SYNE1: variants seen among roughly 807,000 people sequenced by gnomAD.
SYNE1 encodes the protein spectrin repeat containing nuclear envelope protein 1, also known as nesprin-1.
SYNE1 carries 616 observed loss-of-function variants against 1,111.0 expected under a neutral mutation model. The observed-to-expected ratio is 0.55, with a 90% CI of 0.52 to 0.59. The LOEUF (loss-of-function observed/expected upper bound fraction) is 0.59, where lower values mean the gene tolerates loss of function less well. Ranked by LOEUF, SYNE1 falls within the 20% of genes least tolerant of loss-of-function variation. The pLI is 0.00. For synonymous variants in SYNE1, 3,855 were observed against 3,825.8 expected (o/e 1.01, Z -0.28); for missense variants, 10,006 against 10,417.0 (o/e 0.96, Z 1.72).
intron 3 of SYNE1, among the ~76,000 whole-genome samples, chr6:152,581,911 T>C (rs186039216): frequency 6.6e-6 from 1 of 152,284 alleles, no homozygotes; most frequent in African/African-American, 2.4e-5. Context: ...GATTAATTTT[T>C]CAGAGCTTGA....
chr6:152,363,534 TAAATAAATATAA>T (rs2096987236), intron 63 of SYNE1, among the ~76,000 whole-genome samples: 1 of 146,072 alleles, frequency 6.8e-6, no homozygotes, highest in Non-Finnish European at 1.5e-5. Context: ...AATAAATAAA[TAAATAAATATAA>T]AAATAAATAA....
chr6:152,407,185 T>C lies in SYNE1; in HGVS notation c.6552A>G (p.Lys2184=). ...TVDKWLDVSE[K]LEENMDRLRV... ...TCAGCCTATCCATGTTTTCTTCAAG[T>C]TTCTCTGATACCTAGGAGAGAAACA... The change falls in exon 45 of 146, where the codon AAA becomes AAG. Residue 2184 remains lysine, a synonymous_variant. Coordinates refer to ENST00000367255, the MANE Select transcript of SYNE1 (RefSeq NM_182961.4). 6.2e-7 allele frequency: 1 copy of C among 1,613,952 alleles called. No homozygotes were observed. Among genetic ancestry groups the C allele is most frequent in the Non-Finnish European group, 8.5e-7 (1 of 1,179,948 alleles).
intron 72 of SYNE1, among the ~76,000 whole-genome samples, chr6:152,349,566 G>C (rs1227545781): frequency 1.3e-5 from 2 of 152,178 alleles, no homozygotes; most frequent in African/African-American, 4.8e-5. Flanking sequence ...ATTATTAGCT[G>C]GGGGAAATGC....
chr6:152,367,203 T>G lies in SYNE1; in HGVS notation c.9972+15A>C. On this transcript the variant is annotated intron_variant, in intron 62 of 145. Transcript: ENST00000367255. ...ATTCTGTAGGTTGGAGATATTTCTGTGTAAAGATGCACACCTCGAGCTTGA... is the reference window on the plus strand; with the variant it reads ...ATTCTGTAGGTTGGAGATATTTCTGGGTAAAGATGCACACCTCGAGCTTGA... 6.2e-7 allele frequency: 1 copy of G among 1,614,198 alleles called. No homozygotes were observed. Among genetic ancestry groups the G allele is most frequent in the African/African-American group, 1.3e-5 (1 of 75,058 alleles).
chr6:152,364,866 C>A lies in SYNE1; in HGVS notation c.10126G>T (p.Ala3376Ser). The part of the protein sequence containing the change: ...VKDMWASLLS[A>S]GIRCKSQLEG... ...CCTCACCTTTTACAACGAATCCCTG[C>A]AGACAAAAGGGATGCCCACATATCC... The change falls in exon 63 of 146, where the codon GCA becomes TCA. Residue 3376 changes from alanine (A) to serine (S), a missense_variant. By Grantham distance (99) the Ala-to-Ser change is moderately conservative (BLOSUM62 1). This residue lies in a region of SYNE1 where 4,955 missense variants were observed against 5,017.2 expected (regional missense o/e 0.99). Transcript: ENST00000367255. The A allele has an allele frequency of 1.2e-6, 2 of 1,614,216 alleles. No individual in the cohort carries two copies. Among genetic ancestry groups the A allele is most frequent in the Admixed American group, 1.7e-5 (1 of 60,026 alleles).
Position 152,391,406 on chromosome 6 carries a change from C to T in SYNE1, c.7875G>A (p.Glu2625=). 2 of 1,613,946 alleles carry T rather than the reference C, an allele frequency of 1.2e-6. No homozygotes were observed. Among genetic ancestry groups the T allele is most frequent in the South Asian group, 1.1e-5 (1 of 91,064 alleles). The change falls in exon 52 of 146, where the codon GAG becomes GAA. Residue 2625 remains glutamate (E), a synonymous_variant. Coordinates refer to ENST00000367255, the MANE Select transcript of SYNE1 (RefSeq NM_182961.4). Reference sequence around the variant, plus strand: ...GCAGTGCTTCCTCCAGGGCTTCGTGCTCCTGAAGGGCCACCTGGCAGCTCC... The same window carrying T: ...GCAGTGCTTCCTCCAGGGCTTCGTGTTCCTGAAGGGCCACCTGGCAGCTCC... ...KLRSCQVALQ[E]HEALEEALQS... is the part of the protein sequence containing the mutation.
At chr6:152,543,647 A>AT (rs2099286383) in intron 3 of SYNE1, among the ~76,000 whole-genome samples, 1 of 152,212 alleles carries the variant, frequency 6.6e-6, no homozygotes, top group African/African-American at 2.4e-5. Context: ...CTGCATAATG[A>AT]TTTTTTGGCC....
chr6:152,487,399 C>A (rs2098946634), intron 12 of SYNE1, among the ~76,000 whole-genome samples: 1 of 152,140 alleles, frequency 6.6e-6, no homozygotes, highest in Non-Finnish European at 1.5e-5. Flanking sequence ...ATATGGCAGC[C>A]TAGTATTCCA....
At chr6:152,301,600 G>A (rs2095170528) in intron 92 of SYNE1, among the ~76,000 whole-genome samples, 2 of 152,188 alleles carry the variant, frequency 1.3e-5, no homozygotes, top group Admixed American at 1.3e-4. Context: ...GTATTATTGC[G>A]AAATTATAAA....
At chr6:152,228,068 A>T (rs2082001720) in intron 115 of SYNE1, among the ~76,000 whole-genome samples, 1 of 152,232 alleles carries the variant, frequency 6.6e-6, no homozygotes. Context: ...AAACAAAATA[A>T]AGCTGGAATC....
chr6:152,267,381 A>G (rs958365836), intron 100 of SYNE1, among the ~76,000 whole-genome samples: 23 of 152,296 alleles, frequency 1.5e-4, no homozygotes, highest in African/African-American at 5.3e-4. Flanking sequence ...AATTATCACA[A>G]AACTTCTGTG....
At position 152,628,578 on chromosome 6, in the gene SYNE1, A is replaced by C. The variant is rs146165860; in HGVS notation, c.-223-24T>G. 7,419 of 529,430 alleles carry C rather than the reference A, an allele frequency of 0.014. 70 individuals are homozygous for C. Among genetic ancestry groups the C allele is most frequent in the Non-Finnish European group, 0.017 (5,177 of 297,548 alleles). The allele number at this position is 529,430 out of a possible 1,614,324, so 32.8% of individuals were successfully genotyped here. The stretch of plus-strand genomic sequence containing the variant: ...ACCTGAAAAACAAAAAAGAAAAGGT[A>C]CAACATAAAAAAAAAATCTACGAAG... On this transcript the variant is annotated intron_variant, in intron 2 of 145. Transcript: ENST00000367255.
intron 124 of SYNE1, 34 bp from the exon 125 acceptor site, chr6:152,208,240 C>T: frequency 6.3e-7 from 1 of 1,595,066 alleles, no homozygotes; most frequent in Non-Finnish European, 8.6e-7. Flanking sequence ...TAAAAAAGCA[C>T]TGTTATCTTG....
At chr6:152,211,155 A>G (rs2077459369) in intron 124 of SYNE1, among the ~76,000 whole-genome samples, 2 of 152,190 alleles carry the variant, frequency 1.3e-5, no homozygotes, top group Admixed American at 1.3e-4. Context: ...ATTATATAAG[A>G]ATATTAGAAG....
At chr6:152,443,108 A>C (rs2098547544) in intron 30 of SYNE1, among the ~76,000 whole-genome samples, 2 of 152,326 alleles carry the variant, frequency 1.3e-5, no homozygotes, top group South Asian at 4.1e-4. Flanking sequence ...AAATTTTCAC[A>C]AAGTAAATGC....
chr6:152,518,860 AGAGAGAGAGAGAG>A (rs2099125152), intron 6 of SYNE1, among the ~76,000 whole-genome samples: 1 of 83,450 alleles, frequency 1.2e-5, no homozygotes, highest in Admixed American at 1.0e-4. Flanking sequence ...ATACAGAGAT[AGAGAGAGAGAGAG>A]GAGAGAGAGA....
intron 130 of SYNE1, among the ~76,000 whole-genome samples, chr6:152,169,516 G>A (rs1301269621): frequency 2.9e-5 from 4 of 138,172 alleles, no homozygotes; most frequent in Non-Finnish European, 4.6e-5. Flanking sequence ...GAGCTGAGAT[G>A]GCGCCACTGC....
chr6:152,237,829 A>C lies in SYNE1; in HGVS notation c.20068-881T>G, dbSNP rs180956687. Reference sequence around the variant, plus strand: ...TTTATTTTATTTAAAACTGGAAAACACTTTTTAAAAGATCAGTTGAAGTCT... The same window carrying C: ...TTTATTTTATTTAAAACTGGAAAACCCTTTTTAAAAGATCAGTTGAAGTCT... On this transcript the variant is annotated intron_variant, in intron 108 of 145. Coordinates refer to ENST00000367255, the MANE Select transcript of SYNE1 (RefSeq NM_182961.4). 1.4e-3 allele frequency among the ~76,000 whole-genome samples: 220 copies of C among 151,950 alleles called. 1 individual carries two copies. Among genetic ancestry groups the C allele is most frequent in the African/African-American group, 5.1e-3 (210 of 41,222 alleles).
intron 127 of SYNE1, among the ~76,000 whole-genome samples, chr6:152,190,432 G>A (rs1272980483): frequency 1.3e-5 from 2 of 152,086 alleles, no homozygotes; most frequent in African/African-American, 4.8e-5. Flanking sequence ...AATCATGAAT[G>A]TTGCTTTTGT....
Sources: allele counts gnomAD v4.1 joint callset (sites outside exome capture counted in the v4.1 genomes callset), GRCh38; gene constraint gnomAD v4.1.1; regional missense constraint gnomAD v4.1.1; transcripts MANE v1.5; gene names NCBI Gene and HGNC (gene_info 2026-07-23, HGNC 2026-07-21).